The following FANCA variants were observed in gnomAD, a reference collection of about 807,000 sequenced individuals.
FANCA encodes Fanconi anemia group A protein.
A neutral mutation model predicts 194.3 loss-of-function variants in FANCA; 236 were observed. The ratio of observed to expected loss-of-function variants is 1.21; its 90% confidence interval spans 1.09 to 1.35. The LOEUF (loss-of-function observed/expected upper bound fraction) is 1.35, where lower values mean the gene tolerates loss of function less well. FANCA is among the 40% of genes most tolerant of loss of function. FANCA has a pLI of 0.00. For missense variants in FANCA, 2,628 were observed against 1,813.9 expected, an observed-to-expected ratio of 1.45 and a Z score of -8.15; for synonymous variants, 1,014 against 715.8, an observed-to-expected ratio of 1.42 and a Z score of -6.65.
Position 89,770,010 on chromosome 16 carries a change from A to C in FANCA, c.2331T>G (p.Ser777Arg). 1 of 1,613,690 alleles carries C rather than the reference A, an allele frequency of 6.2e-7. No individual in the cohort carries two copies. Among genetic ancestry groups the C allele is most frequent in the Non-Finnish European group, 8.5e-7 (1 of 1,179,968 alleles). The stretch of plus-strand genomic sequence containing the variant: ...CAGCCAACCCCAGCACATGTGGGGC[A>C]CTCAGGCTCGGGCCCTGCAACGAGA... The part of the protein sequence containing the change: ...QLLRHQGPSL[S>R]APHVLGLAAL... Residue 777 changes from serine (S) to arginine (R), a missense_variant, in exon 26 of 43, where the codon AGT becomes AGG. Ser to Arg is a moderately radical substitution (Grantham distance 110, BLOSUM62 -1). Transcript: ENST00000389301.
intron 31 of FANCA, among the ~76,000 whole-genome samples, chr16:89,750,393 G>C (rs900378669): frequency 1.3e-5 from 2 of 152,072 alleles, no homozygotes; most frequent in Non-Finnish European, 1.5e-5. Context: ...TGAGGCAGGA[G>C]AATGGCGTGA....
chr16:89,770,997 T>C (rs1483276174), intron 23 of FANCA, among the ~76,000 whole-genome samples: 1 of 152,028 alleles, frequency 6.6e-6, no homozygotes, highest in South Asian at 2.1e-4. Flanking sequence ...AAACCCTGTC[T>C]TTACTAAAAA....
chr16:89,758,611 T>A lies in FANCA; in HGVS notation c.2947A>T (p.Ile983Phe), dbSNP rs375312389. The change falls in exon 30 of 43, where the codon ATT becomes TTT. Residue 983 changes from isoleucine to phenylalanine, a missense_variant. Coordinates refer to ENST00000389301, the MANE Select transcript of FANCA (RefSeq NM_000135.4). ...CDGDLQAACT[I>F]LVNALMDFHQ... ...AAATCCATCAGTGCGTTGACAAGAA[T>A]GGTACACGCAGCCTGCAGGTCTCCG... 1.3e-5 allele frequency: 21 copies of A among 1,613,994 alleles called. No individual in the cohort carries two copies. The highest frequency in any genetic ancestry group is 8.8e-5 in the South Asian group (8 of 91,088).
In FANCA at chr16:89,767,185, G is replaced by C. The variant is rs752160950; in HGVS notation, c.2557C>G (p.Arg853Gly). ...YSLCKFSSQS[R>G]DTLCSCLSPG... ...GATAAGCAGCTGCACAAAGTATCTC[G>C]TGACTGGGAAGAAAACTTGCAGAGA... Residue 853 changes from arginine to glycine, a missense_variant, in exon 27 of 43, where the codon CGA becomes GGA. Transcript: ENST00000389301. The C allele has an allele frequency of 6.2e-7, 1 of 1,613,966 alleles. No homozygotes were observed. Among genetic ancestry groups the C allele is most frequent in the Non-Finnish European group, 8.5e-7 (1 of 1,179,856 alleles).
Position 89,769,998 on chromosome 16 carries a change from C to A in FANCA, c.2343G>T (p.Val781=). Residue 781 remains valine, a synonymous_variant, in exon 26 of 43, where the codon GTG becomes GTT. Coordinates refer to ENST00000389301, the MANE Select transcript of FANCA (RefSeq NM_000135.4). ...GCACGGCCAGGGCAGCCAACCCCAG[C>A]ACATGTGGGGCACTCAGGCTCGGGC... ...HQGPSLSAPH[V]LGLAALAVHL... 2 of 1,613,868 alleles carry A rather than the reference C, an allele frequency of 1.2e-6. No individual in the cohort carries two copies. Among genetic ancestry groups the A allele is most frequent in the Non-Finnish European group, 1.7e-6 (2 of 1,180,004 alleles).
chr16:89,783,158 A>G (rs2039779401), intron 15 of FANCA, 56 bp from the exon 16 acceptor site: 2 of 1,342,344 alleles, frequency 1.5e-6, no homozygotes, highest in East Asian at 4.6e-5. Flanking sequence ...CTGGGACTCC[A>G]GGGAGGCCAC....
At position 89,803,156 on chromosome 16, in the gene FANCA, G is replaced by A. The variant is rs35506335; in HGVS notation, c.792+103C>T. The A allele has an allele frequency of 0.033, 37,205 of 1,125,492 alleles. 937 individuals are homozygous for A. The highest frequency in any genetic ancestry group is 0.085 in the South Asian group (6,902 of 81,218). 69.7% of individuals were successfully genotyped at this position (1,125,492 alleles called of 1,614,324 possible). On this transcript the variant is annotated intron_variant, in intron 8 of 42. Transcript: ENST00000389301. ...AGTATCACATGTACCCCGTAAATAGGTACAAACAGCACGTTTCAATAGAGA... is the reference window on the plus strand; with the variant it reads ...AGTATCACATGTACCCCGTAAATAGATACAAACAGCACGTTTCAATAGAGA...
intron 13 of FANCA, 151 bp downstream of exon 13, chr16:89,791,776 A>T (rs6500451): frequency 1.8e-6 from 2 of 1,085,252 alleles, no homozygotes; most frequent in South Asian, 1.3e-5. Flanking sequence ...AGCGTCTGAC[A>T]AAGAATGTTC....
At chr16:89,783,266 A>G (rs576640910) in intron 15 of FANCA, among the ~76,000 whole-genome samples, 164 bp from the exon 16 acceptor site, 42 of 152,260 alleles carry the variant, frequency 2.8e-4, no homozygotes, top group African/African-American at 9.9e-4. Context: ...AAATTAAAAC[A>G]CAAGCCGGGC....
chr16:89,793,314 G>A (rs1019178629), intron 11 of FANCA, among the ~76,000 whole-genome samples: 1 of 152,120 alleles, frequency 6.6e-6, no homozygotes, highest in African/African-American at 2.4e-5. Flanking sequence ...GCCCTGTCCG[G>A]GCATAACAGA....
At chr16:89,761,518 T>C (rs2143255932) in intron 29 of FANCA, among the ~76,000 whole-genome samples, 1 of 149,712 alleles carries the variant, frequency 6.7e-6, no homozygotes, top group East Asian at 1.9e-4. Flanking sequence ...AAAAAAAAAT[T>C]GAAATTGTGC....
Position 89,783,131 on chromosome 16 carries a change from G to A in FANCA, c.1471-29C>T, listed in dbSNP as rs201305326. The A allele has an allele frequency of 7.0e-5, 108 of 1,551,796 alleles. 1 individual carries two copies. In the Middle Eastern group the frequency reaches 1.2e-3, roughly 17 times the overall value. ...AGGATAGATAGCAGAGCGCAGCACC[G>A]TTAGTCTGGGAACTGCCTGGGACTC... On this transcript the variant is annotated intron_variant, in intron 15 of 42. Transcript: ENST00000389301.
chr16:89,806,502 T>C (rs574802132), intron 6 of FANCA, among the ~76,000 whole-genome samples: 4 of 152,064 alleles, frequency 2.6e-5, no homozygotes, highest in South Asian at 4.2e-4. Flanking sequence ...TGAGGCCTTC[T>C]GCAGTGTTTG....
chr16:89,779,499 T>C (rs539953050), intron 18 of FANCA, among the ~76,000 whole-genome samples: 1 of 151,192 alleles, frequency 6.6e-6, no homozygotes. Context: ...TCCCTCCCAG[T>C]GCAAGCTCCC....
At chr16:89,783,942 G>A (rs2039809529) in intron 15 of FANCA, among the ~76,000 whole-genome samples, 1 of 152,016 alleles carries the variant, frequency 6.6e-6, no homozygotes, top group South Asian at 2.1e-4. Flanking sequence ...TGTATTTTCA[G>A]TAGACAGGGG....
Position 89,749,783 on chromosome 16 carries a change from C to T in FANCA, c.3186G>A (p.Gly1062=), listed in dbSNP as rs2038517320. The T allele has an allele frequency of 5.6e-6, 9 of 1,614,138 alleles. No homozygotes were observed. Among genetic ancestry groups the T allele is most frequent in the African/African-American group, 1.3e-5 (1 of 74,944 alleles). Residue 1062 remains glycine, a synonymous_variant, in exon 32 of 43, where the codon GGG becomes GGA. Transcript: ENST00000389301. Reference sequence around the variant, plus strand: ...TCTGAAGGCTGGCAGCCACGCTCCACCCGCTTGTCAGAGCCTGGAGCCGTC... The same window carrying T: ...TCTGAAGGCTGGCAGCCACGCTCCATCCGCTTGTCAGAGCCTGGAGCCGTC... ...FRRRLQALTS[G]WSVAASLQRQ... is the part of the protein sequence containing the mutation.
At chr16:89,782,798 A>ACTGGAC in intron 17 of FANCA, 61 bp downstream of exon 17, 1 of 1,453,938 alleles carries the variant, frequency 6.9e-7, no homozygotes. Context: ...GTCAAAAGAA[A>ACTGGAC]CTGGACCTTT....
chr16:89,815,763 G>C, intron 2 of FANCA, 114 bp downstream of exon 2: 1 of 874,348 alleles, frequency 1.1e-6, no homozygotes, highest in South Asian at 1.3e-5. Context: ...CCCTCTGCGG[G>C]CCAGGCCACC....
At chr16:89,781,426 G>C (rs1385438936) in intron 17 of FANCA, among the ~76,000 whole-genome samples, 10 of 141,022 alleles carry the variant, frequency 7.1e-5, no homozygotes, top group Admixed American at 1.5e-4. Context: ...GTAATCCCAG[G>C]ACTTTGGGAG....
Sources: allele counts gnomAD v4.1 joint callset (sites outside exome capture counted in the v4.1 genomes callset), GRCh38; gene constraint gnomAD v4.1.1; transcripts MANE v1.5; gene names NCBI Gene and HGNC (gene_info 2026-07-23, HGNC 2026-07-21).